The following RP1L1 variants were observed in gnomAD, a reference collection of about 807,000 sequenced individuals.
The protein encoded by RP1L1 is RP1 like 1, also known as retinitis pigmentosa 1-like 1 protein.
Under a neutral mutation model 15.7 loss-of-function variants are expected in RP1L1, and 27 were observed. The observed-to-expected ratio is 1.72, with a 90% confidence interval of 1.27 to 2.38. The LOEUF is 2.38. Ranked by LOEUF, RP1L1 falls within the 30% of genes most tolerant of loss-of-function variation. RP1L1 has a pLI of 0.00. For missense variants in RP1L1, 4,798 were observed against 3,075.9 expected (o/e 1.56, Z -13.24); for synonymous variants, 1,813 against 1,276.7 (o/e 1.42, Z -8.96).
At chr8:10,642,657 A>C (rs1278149967) in intron 1 of RP1L1, among the ~76,000 whole-genome samples, 1 of 152,228 alleles carries the variant, frequency 6.6e-6, no homozygotes, top group East Asian at 1.9e-4. Context: ...TAATTAGTAT[A>C]CCATATAATT....
chr8:10,609,031 C>T lies in RP1L1; in HGVS notation c.5067G>A (p.Leu1689=). 2 of 1,613,622 alleles carry T rather than the reference C, an allele frequency of 1.2e-6. No individual in the cohort carries two copies. The highest frequency in any genetic ancestry group is 1.3e-5 in the African/African-American group (1 of 75,062). Residue 1689 remains leucine, a synonymous_variant, in exon 4 of 4, where the codon CTG becomes CTA. Transcript: ENST00000382483. ...TRGPIKEAFD[L]QQILQRKRGE... Reference sequence around the variant, plus strand: ...CCCTCTTCCTCTGCAGAATCTGCTGCAGGTCAAAGGCCTCTTTGATGGGAC... The same window carrying T: ...CCCTCTTCCTCTGCAGAATCTGCTGTAGGTCAAAGGCCTCTTTGATGGGAC...
At chr8:10,646,489 G>T (rs1483603850) in intron 1 of RP1L1, among the ~76,000 whole-genome samples, 3 of 152,150 alleles carry the variant, frequency 2.0e-5, no homozygotes, top group African/African-American at 7.2e-5. Context: ...CGAGAGGATG[G>T]AGCCAGAGAA....
intron 1 of RP1L1, among the ~76,000 whole-genome samples, chr8:10,624,816 A>T (rs973565641): frequency 1.3e-5 from 2 of 152,140 alleles, no homozygotes; most frequent in Non-Finnish European, 2.9e-5. Context: ...CGAGCCGACA[A>T]TTCTCTCCTT....
In RP1L1 at chr8:10,611,263, G is replaced by T. The variant is rs1393115939; in HGVS notation, c.2835C>A (p.Pro945=). 2 of 1,612,898 alleles carry T rather than the reference G, an allele frequency of 1.2e-6. No individual in the cohort carries two copies. The highest frequency in any genetic ancestry group is 1.7e-5 in the Admixed American group (1 of 60,014). Residue 945 remains proline (P), a synonymous_variant, in exon 4 of 4, where the codon CCC becomes CCA. Coordinates refer to ENST00000382483, the MANE Select transcript of RP1L1 (RefSeq NM_178857.6). ...QGQEEASGVS[P]SSLPRSSPEA... is the part of the protein sequence containing the mutation. Reference sequence around the variant, plus strand: ...CTGGAGACGAGCGGGGCAGAGAGCTGGGTGACACACCACTGGCCTCCTCCT... The same window carrying T: ...CTGGAGACGAGCGGGGCAGAGAGCTTGGTGACACACCACTGGCCTCCTCCT...
chr8:10,616,070 T>C (rs938417076), intron 3 of RP1L1, among the ~76,000 whole-genome samples: 2 of 151,864 alleles, frequency 1.3e-5, no homozygotes, highest in African/African-American at 4.8e-5. Context: ...ATGCCTGGCA[T>C]ATTTTTTTGT....
intron 2 of RP1L1, among the ~76,000 whole-genome samples, chr8:10,620,614 A>G (rs1051762745): frequency 2.6e-5 from 4 of 152,162 alleles, no homozygotes; most frequent in Admixed American, 2.0e-4. Context: ...CTCAAAAAAA[A>G]AGGAAGACAC....
intron 3 of RP1L1, among the ~76,000 whole-genome samples, chr8:10,614,728 G>C (rs1172036568): frequency 2.8e-5 from 4 of 144,800 alleles, no homozygotes; most frequent in Admixed American, 2.8e-4. Flanking sequence ...AAAAAAAAAA[G>C]AAAGAAAGAA....
In RP1L1 at chr8:10,612,836, G is replaced by A. The variant is rs1256805296; in HGVS notation, c.1262C>T (p.Ala421Val). 6.2e-7 allele frequency: 1 copy of A among 1,612,594 alleles called. No homozygotes were observed. The highest frequency in any genetic ancestry group is 1.3e-5 in the African/African-American group (1 of 75,044). Residue 421 changes from alanine to valine, a missense_variant, in exon 4 of 4, where the codon GCA (alanine) becomes GTA (valine). Coordinates refer to ENST00000382483, the MANE Select transcript of RP1L1 (RefSeq NM_178857.6). Reference sequence around the variant, plus strand: ...GGCCAGTCCCCACCTCTTCCGAGCTGCCACTCTCTCTCCCTGGGAGGCATG... The same window carrying A: ...GGCCAGTCCCCACCTCTTCCGAGCTACCACTCTCTCTCCCTGGGAGGCATG... Reference protein sequence around the residue: ...PLHASQGERVAARKRWGLAQH... With the variant: ...PLHASQGERVVARKRWGLAQH...
At position 10,606,962 on chromosome 8, in the gene RP1L1, C is replaced by G. The variant is rs775043510; in HGVS notation, c.7136G>C (p.Gly2379Ala). Residue 2379 changes from glycine to alanine, a missense_variant, in exon 4 of 4, where the codon GGA (glycine) becomes GCA (alanine). Physicochemically the swap from Gly to Ala is moderately conservative, Grantham distance 60 (BLOSUM62 0). Transcript: ENST00000382483. The stretch of plus-strand genomic sequence containing the variant: ...CACTGCCTCAGTGGGGGCGAGACTT[C>G]CGAGTGCCTGGTCCTCTTGTAGGTC... ...GYDLQEDQAL[G>A]SLAPTEAVGR... The G allele has an allele frequency of 6.2e-7, 1 of 1,614,128 alleles. No homozygotes were observed. Among genetic ancestry groups the G allele is most frequent in the Admixed American group, 1.7e-5 (1 of 60,014 alleles).
In RP1L1 at chr8:10,611,151, C is replaced by G; in HGVS notation, c.2947G>C (p.Ala983Pro). The G allele has an allele frequency of 1.9e-6, 3 of 1,612,984 alleles. No homozygotes were observed. Among genetic ancestry groups the G allele is most frequent in the African/African-American group, 1.3e-5 (1 of 75,064 alleles). Reference sequence around the variant, plus strand: ...TCGGGGCCTCTCAGGCCACCCCCAGCTGCACCTGTGGTCTCGTCCGCCAAC... The same window carrying G: ...TCGGGGCCTCTCAGGCCACCCCCAGGTGCACCTGTGGTCTCGTCCGCCAAC... ...YELADETTGA[A>P]GGGLRGPEVD... The change falls in exon 4 of 4, where the codon GCT becomes CCT. Residue 983 changes from alanine (A) to proline (P), a missense_variant. Transcript: ENST00000382483.
At chr8:10,619,843 C>T (rs563677365) in intron 2 of RP1L1, among the ~76,000 whole-genome samples, 1 of 152,054 alleles carries the variant, frequency 6.6e-6, no homozygotes, top group Non-Finnish European at 1.5e-5. Context: ...GCCTGTAGTC[C>T]CAGCTACTCG....
chr8:10,610,208 A>T lies in RP1L1; in HGVS notation c.3890T>A (p.Val1297Glu). The T allele has an allele frequency of 7.1e-7, 1 of 1,410,310 alleles. No individual in the cohort carries two copies. The highest frequency in any genetic ancestry group is 3.0e-5 in the East Asian group (1 of 33,598). 87.4% of individuals were successfully genotyped at this position (1,410,310 alleles called of 1,614,324 possible). A position where few individuals can be genotyped will look rare whatever the true frequency, so the allele number is the denominator to read the frequency against. The change falls in exon 4 of 4, where the codon GTG becomes GAG. Residue 1297 changes from valine (V) to glutamate (E), a missense_variant. Physicochemically the swap from Val to Glu is moderately radical, Grantham distance 121 (BLOSUM62 -2). Coordinates refer to ENST00000382483, the MANE Select transcript of RP1L1 (RefSeq NM_178857.6). ...SNLEQLAENT[V>E]QEEVQLEETK... ...TTCCTCTAATTGCACCTCTTCTTGC[A>T]CTGTGTTTTCAGCTAACTGCTCCAG...
rs1797888567 is a variant in RP1L1 at position 10,612,695 on chromosome 8, T to G, written c.1403A>C (p.Glu468Ala). The part of the protein sequence containing the change: ...STGLPEGSEP[E>A]SSCCPRTPED... ...CGGGGTCCTGGGGCAGCAGGAGGAC[T>G]CTGGCTCCGAGCCCTCGGGGAGGCC... The change falls in exon 4 of 4, where the codon GAG (glutamate) becomes GCG (alanine). Residue 468 changes from glutamate to alanine, a missense_variant. Physicochemically the swap from Glu to Ala is moderately radical, Grantham distance 107. Transcript: ENST00000382483. 3 of 1,603,242 alleles carry G rather than the reference T, an allele frequency of 1.9e-6. No individual in the cohort carries two copies. Among genetic ancestry groups the G allele is most frequent in the Non-Finnish European group, 1.7e-6 (2 of 1,178,310 alleles).
At chr8:10,646,169 C>T (rs1271433507) in intron 1 of RP1L1, among the ~76,000 whole-genome samples, 1 of 152,214 alleles carries the variant, frequency 6.6e-6, no homozygotes, top group Non-Finnish European at 1.5e-5. Flanking sequence ...ACGGGGCTGC[C>T]GAGAGAGCCT....
chr8:10,622,670 G>C lies in RP1L1; in HGVS notation c.532C>G (p.Leu178Val), dbSNP rs768998298. The C allele has an allele frequency of 4.4e-5, 71 of 1,614,110 alleles. No homozygotes were observed. The highest frequency in any genetic ancestry group is 6.0e-5 in the Non-Finnish European group (71 of 1,180,046). Reference sequence around the variant, plus strand: ...GAGGCTTTGCCGAGAAAGGCGGCCAGGTTCCTAGTATTCCTGTGACTGAGA... The same window carrying C: ...GAGGCTTTGCCGAGAAAGGCGGCCACGTTCCTAGTATTCCTGTGACTGAGA... ...VVLSHRNTRN[L>V]AAFLGKASDL... Residue 178 changes from leucine (L) to valine (V), a missense_variant, in exon 2 of 4, where the codon CTG becomes GTG. Coordinates refer to ENST00000382483, the MANE Select transcript of RP1L1 (RefSeq NM_178857.6).
At chr8:10,638,710 A>G (rs1312789039) in intron 1 of RP1L1, among the ~76,000 whole-genome samples, 1 of 152,216 alleles carries the variant, frequency 6.6e-6, no homozygotes, top group African/African-American at 2.4e-5. Flanking sequence ...GAGTTAACGT[A>G]GCTGGGACTA....
At chr8:10,635,844 G>T (rs1798320897) in intron 1 of RP1L1, among the ~76,000 whole-genome samples, 1 of 152,242 alleles carries the variant, frequency 6.6e-6, no homozygotes, top group Non-Finnish European at 1.5e-5. Context: ...GGGGACTCAG[G>T]ATCAGCAGAA....
At position 10,611,292 on chromosome 8, in the gene RP1L1, C is replaced by A. The variant is rs573733606; in HGVS notation, c.2806G>T (p.Gly936Trp). ...KTLRSGGGPQ[G>W]QEEASGVSPS... ...GACACACCACTGGCCTCCTCCTGCC[C>A]CTGGGGGCCTCCCCCACTCCTCAAG... Residue 936 changes from glycine (G) to tryptophan (W), a missense_variant, in exon 4 of 4, where the codon GGG (glycine) becomes TGG (tryptophan). Gly to Trp is a radical substitution (Grantham distance 184). Transcript: ENST00000382483. 56 of 1,612,872 alleles carry A rather than the reference C, an allele frequency of 3.5e-5. 1 individual carries two copies. Among genetic ancestry groups the A allele is most frequent in the Admixed American group, 5.0e-5 (3 of 60,018 alleles).
Position 10,613,137 on chromosome 8 carries a change from G to C in RP1L1, c.961C>G (p.Leu321Val). The C allele has an allele frequency of 6.2e-7, 1 of 1,613,918 alleles. No homozygotes were observed. The highest frequency in any genetic ancestry group is 2.2e-5 in the East Asian group (1 of 44,880). ...AAGCGGACTTTCATCTCCACGGACA[G>C]GCTGCCGTCCTCATTCATGCGGACC... ...KKVRMNEDGS[L>V]SVEMKVRFHL... Residue 321 changes from leucine (L) to valine (V), a missense_variant, in exon 4 of 4, where the codon CTG (leucine) becomes GTG (valine). Transcript: ENST00000382483.
Sources: allele counts gnomAD v4.1 joint callset (sites outside exome capture counted in the v4.1 genomes callset), GRCh38; gene constraint gnomAD v4.1.1; transcripts MANE v1.5; gene names NCBI Gene and HGNC (gene_info 2026-07-23, HGNC 2026-07-21).